DLG2: variants seen among roughly 807,000 people sequenced by gnomAD.
DLG2 encodes the protein discs large MAGUK scaffold protein 2.
In DLG2, 45 loss-of-function variants were observed where a neutral mutation model predicts 132.5. That is an observed-to-expected ratio of 0.34 (90% CI 0.27 to 0.44). DLG2 has a LOEUF of 0.44. Ranked by LOEUF, DLG2 falls within the 20% of genes least tolerant of loss-of-function variation. The probability of loss-of-function intolerance (pLI) is 1.00; values close to 1 mark genes in which losing one functional copy is unlikely to be tolerated. For synonymous variants in DLG2, 424 were observed against 419.6 expected, an observed-to-expected ratio of 1.01 and a Z score of -0.13; for missense variants, 1,045 against 1,196.9, an observed-to-expected ratio of 0.87 and a Z score of 1.87.
chr11:84,744,005 T>G (rs563295343), intron 6 of DLG2, among the ~76,000 whole-genome samples: 4 of 152,304 alleles, frequency 2.6e-5, no homozygotes, highest in African/African-American at 7.2e-5. Flanking sequence ...ATTACAGGCA[T>G]GAGCCACCGT....
At chr11:83,682,480 C>T in intron 18 of DLG2, 4 of 974,432 alleles carry the variant, frequency 4.1e-6, no homozygotes, top group Non-Finnish European at 4.9e-6. Flanking sequence ...CACTATTAAC[C>T]AATAAGATGC....
At chr11:84,428,589 G>A (rs1032053972) in intron 7 of DLG2, among the ~76,000 whole-genome samples, 1 of 152,202 alleles carries the variant, frequency 6.6e-6, no homozygotes, top group African/African-American at 2.4e-5. Context: ...AGACAAAGAT[G>A]AAGAAATCTG....
intron 25 of DLG2, among the ~76,000 whole-genome samples, chr11:83,467,786 TATATATATATATATATATATATATAC>T (rs1366294839): frequency 7.3e-5 from 7 of 96,522 alleles, no homozygotes; most frequent in African/African-American, 2.1e-4. Context: ...TATATATATA[TATATATATATATATATATATATATAC>T]ACACACACAT....
chr11:84,315,171 T>C (rs1483860391), intron 7 of DLG2, among the ~76,000 whole-genome samples: 1 of 152,142 alleles, frequency 6.6e-6, no homozygotes, highest in East Asian at 1.9e-4. Flanking sequence ...ATTTCAATCC[T>C]TGAAAGCATT....
At chr11:85,152,909 A>G (rs1166098994) in intron 5 of DLG2, among the ~76,000 whole-genome samples, 1 of 152,176 alleles carries the variant, frequency 6.6e-6, no homozygotes, top group African/African-American at 2.4e-5. Context: ...TTAATTCATA[A>G]GATTGTCTTT....
intron 11 of DLG2, among the ~76,000 whole-genome samples, chr11:83,982,629 A>G (rs1295452922): frequency 6.6e-6 from 1 of 152,124 alleles, no homozygotes; most frequent in Non-Finnish European, 1.5e-5. Flanking sequence ...CAGTGAGCTA[A>G]GGTTAATTAT....
At chr11:84,069,441 G>A (rs930840454) in intron 10 of DLG2, among the ~76,000 whole-genome samples, 36 of 152,100 alleles carry the variant, frequency 2.4e-4, no homozygotes, top group Admixed American at 2.4e-3. Flanking sequence ...GTAAGGCTGT[G>A]GACATGCAAA....
At chr11:84,344,682 A>C (rs1344585254) in intron 7 of DLG2, among the ~76,000 whole-genome samples, 3 of 152,174 alleles carry the variant, frequency 2.0e-5, no homozygotes, top group Non-Finnish European at 2.9e-5. Flanking sequence ...ATCTGTCCGA[A>C]GTCCTCCCTA....
chr11:83,653,786 G>A (rs553295590), intron 18 of DLG2, among the ~76,000 whole-genome samples: 3 of 152,062 alleles, frequency 2.0e-5, no homozygotes, highest in Non-Finnish European at 2.9e-5. Flanking sequence ...GCCGTGGCAC[G>A]ATCTTGGCTC....
chr11:84,256,183 T>G (rs1304465248), intron 7 of DLG2, among the ~76,000 whole-genome samples: 2 of 152,016 alleles, frequency 1.3e-5, no homozygotes, highest in Admixed American at 1.3e-4. Flanking sequence ...TCTGACAAAA[T>G]GAATGCAACT....
intron 7 of DLG2, among the ~76,000 whole-genome samples, chr11:84,492,067 G>C (rs1263570033): frequency 6.6e-6 from 1 of 152,030 alleles, no homozygotes; most frequent in Non-Finnish European, 1.5e-5. Context: ...TGACCGAACA[G>C]AATTTATAAA....
At chr11:84,692,136 G>A (rs959058960) in intron 6 of DLG2, among the ~76,000 whole-genome samples, 10 of 151,706 alleles carry the variant, frequency 6.6e-5, no homozygotes, top group East Asian at 1.9e-4. Context: ...GTGTAGGCGC[G>A]CGACAGATGA....
intron 18 of DLG2, chr11:83,693,185 A>T (rs2081285368): frequency 1.3e-5 from 2 of 152,196 alleles, no homozygotes; most frequent in South Asian, 4.1e-4. Flanking sequence ...ATTGAGGAGA[A>T]GTGTCAGCCC....
chr11:84,812,996 G>T (rs545477860), intron 6 of DLG2, among the ~76,000 whole-genome samples: 1 of 152,166 alleles, frequency 6.6e-6, no homozygotes, highest in South Asian at 2.1e-4. Context: ...TCTTTTGAGA[G>T]CGGTTATCCA....
At chr11:84,567,892 G>A (rs2099463739) in intron 6 of DLG2, among the ~76,000 whole-genome samples, 1 of 152,138 alleles carries the variant, frequency 6.6e-6, no homozygotes, top group South Asian at 2.1e-4. Context: ...TCTAAAAAGG[G>A]TAAGAAGACT....
At chr11:84,766,024 T>C (rs766723530) in intron 6 of DLG2, among the ~76,000 whole-genome samples, 97 of 152,198 alleles carry the variant, frequency 6.4e-4, no homozygotes, top group Non-Finnish European at 1.2e-3. Context: ...TACATTCCCA[T>C]AATACCTTCA....
At chr11:85,621,860 C>A (rs1023111434) in intron 2 of DLG2, among the ~76,000 whole-genome samples, 1 of 152,228 alleles carries the variant, frequency 6.6e-6, no homozygotes, top group Admixed American at 6.5e-5. Context: ...GATAAAGCAG[C>A]AGCAGGGTTT....
intron 3 of DLG2, among the ~76,000 whole-genome samples, chr11:85,507,364 A>G (rs1043294319): frequency 6.6e-6 from 1 of 152,054 alleles, no homozygotes; most frequent in African/African-American, 2.4e-5. Context: ...GTTGCTTTCC[A>G]TTTTTAGTGC....
At chr11:85,196,248 A>G (rs2081058756) in intron 4 of DLG2, among the ~76,000 whole-genome samples, 5 of 152,242 alleles carry the variant, frequency 3.3e-5, no homozygotes. Context: ...ACTACCACGC[A>G]CACATACTTT....
Sources: allele counts gnomAD v4.1 joint callset (sites outside exome capture counted in the v4.1 genomes callset), GRCh38; gene constraint gnomAD v4.1.1; transcripts MANE v1.5; gene names NCBI Gene and HGNC (gene_info 2026-07-23, HGNC 2026-07-21).